Variants in ETNK2 observed in about 807,000 individuals in gnomAD.
ETNK2 encodes ethanolamine kinase 2.
ETNK2 carries 33 observed loss-of-function variants against 46.2 expected under a neutral mutation model. That is an observed-to-expected ratio of 0.71 (90% CI 0.54 to 0.96). ETNK2 has a LOEUF of 0.96. Ranked by LOEUF, ETNK2 falls within the 40% of genes least tolerant of loss-of-function variation. The pLI is 0.00. For synonymous variants in ETNK2, 194 were observed against 209.0 expected, an observed-to-expected ratio of 0.93 and a Z score of 0.62; for missense variants, 445 against 509.7, an observed-to-expected ratio of 0.87 and a Z score of 1.22.
chr1:204,147,328 G>T, intron 2 of ETNK2: 1 of 441,298 alleles, frequency 2.3e-6, no homozygotes. Flanking sequence ...GCTGGCGGCT[G>T]GGTGCCAAGG....
At chr1:204,132,515 C>T (rs972290347) in intron 7 of ETNK2, among the ~76,000 whole-genome samples, 3 of 152,130 alleles carry the variant, frequency 2.0e-5, no homozygotes, top group African/African-American at 7.2e-5. Flanking sequence ...CTCACTGCAA[C>T]CTCTGCCTCC....
Position 204,137,157 on chromosome 1 carries a change from C to A in ETNK2, c.961G>T (p.Val321Leu), listed in dbSNP as rs1032199748. 2 of 1,613,852 alleles carry A rather than the reference C, an allele frequency of 1.2e-6. No homozygotes were observed. The highest frequency in any genetic ancestry group is 2.7e-5 in the African/African-American group (2 of 74,932). Reference protein sequence around the residue: ...YYLQAQKGMAVTPREVQRLYV... With the variant: ...YYLQAQKGMALTPREVQRLYV... ...AGCCTTTGCACCTCCCTGGGGGTCA[C>A]GGCCATCCCCTTTTGTGCCTGCAGG... Residue 321 changes from valine to leucine, a missense_variant, in exon 6 of 8, where the codon GTG becomes TTG. Val to Leu is a conservative substitution (Grantham distance 32). Transcript: ENST00000367202.
intron 6 of ETNK2, 43 bp from the exon 7 acceptor site, chr1:204,134,631 G>A: frequency 6.2e-7 from 1 of 1,614,046 alleles, no homozygotes. Flanking sequence ...ATCTCCCCAT[G>A]CCTGTTTCCG....
At chr1:204,141,828 T>A (rs1657555907) in intron 3 of ETNK2, 1 of 204,106 alleles carries the variant, frequency 4.9e-6, no homozygotes, top group Non-Finnish European at 1.0e-5. Flanking sequence ...GATTCCAGAC[T>A]AAGAACAAGG....
intron 3 of ETNK2, chr1:204,141,966 T>G (rs1657564410): frequency 6.3e-6 from 1 of 158,864 alleles, no homozygotes; most frequent in Admixed American, 5.9e-5. Context: ...GGAGGAAGAG[T>G]AGTGCCCTGG....
At position 204,140,153 on chromosome 1, in the gene ETNK2, C is replaced by A. The variant is rs1334292601; in HGVS notation, c.785-35G>T. 6.3e-6 allele frequency: 10 copies of A among 1,579,820 alleles called. No individual in the cohort carries two copies. The East Asian group carries it at 2.2e-4, about 35-fold the overall frequency. On this transcript the variant is annotated intron_variant, in intron 4 of 7. Transcript: ENST00000367202. ...AGAGGAGAATCGATGAGAGTTGGCC[C>A]AGGAGATCTGGCAACAGAGCCTGGT...
intron 3 of ETNK2, among the ~76,000 whole-genome samples, chr1:204,143,494 C>A (rs530940373): frequency 6.6e-6 from 1 of 152,122 alleles, no homozygotes; most frequent in Non-Finnish European, 1.5e-5. Flanking sequence ...AGCTTTGCTA[C>A]CTTCAGTCCC....
chr1:204,142,230 A>G (rs1210844364), intron 3 of ETNK2: 1 of 152,212 alleles, frequency 6.6e-6, no homozygotes, highest in Non-Finnish European at 1.5e-5. Flanking sequence ...GTGGCTCCCC[A>G]TTGACTCATC....
chr1:204,151,423 A>G lies in ETNK2; in HGVS notation c.258+172T>C. The G allele has an allele frequency of 1.0e-6, 1 of 964,574 alleles. No individual in the cohort carries two copies. The highest frequency in any genetic ancestry group is 1.5e-6 in the Non-Finnish European group (1 of 667,714). 59.8% of individuals were successfully genotyped at this position (964,574 alleles called of 1,614,324 possible). A position where few individuals can be genotyped will look rare whatever the true frequency, so the allele number is the denominator to read the frequency against. ...GCAGGGCCAAGGGAGGTGTGAGCCT[A>G]GTTTTGGTAGCGACGAAATCAATCC... On this transcript the variant is annotated intron_variant, in intron 1 of 7. Transcript: ENST00000367202. This position sits in a 1 kb window ranked among gnomAD's most constrained non-coding sequence, Gnocchi z 8.0.
intron 5 of ETNK2, 21 bp downstream of exon 5, chr1:204,140,014 C>CT: frequency 6.2e-7 from 1 of 1,606,908 alleles, no homozygotes; most frequent in Non-Finnish European, 8.5e-7. Context: ...AAGCACATGA[C>CT]TGTAGAAATG....
At chr1:204,133,592 C>T (rs889005173) in intron 7 of ETNK2, among the ~76,000 whole-genome samples, 14 of 149,522 alleles carry the variant, frequency 9.4e-5, no homozygotes, top group African/African-American at 1.5e-4. Context: ...AGTGCAGTGG[C>T]GGGATCTCGG....
chr1:204,137,379 G>A, intron 5 of ETNK2, 130 bp from the exon 6 acceptor site: 2 of 1,227,576 alleles, frequency 1.6e-6, no homozygotes, highest in Non-Finnish European at 2.2e-6. Flanking sequence ...TGCCCAAGGA[G>A]GCGGCCCGAG....
chr1:204,133,668 A>G (rs1657165418), intron 7 of ETNK2, among the ~76,000 whole-genome samples: 1 of 151,754 alleles, frequency 6.6e-6, no homozygotes, highest in Non-Finnish European at 1.5e-5. Flanking sequence ...AGTAGCTGGG[A>G]CTACAGGCGC....
At chr1:204,149,160 T>C (rs1170173012) in intron 2 of ETNK2, among the ~76,000 whole-genome samples, 1 of 152,192 alleles carries the variant, frequency 6.6e-6, no homozygotes, top group Non-Finnish European at 1.5e-5. Flanking sequence ...CAGGTTCTTG[T>C]GAGCCTTTGA....
At chr1:204,150,091 A>G in intron 1 of ETNK2, 129 bp from the exon 2 acceptor site, 1 of 1,030,182 alleles carries the variant, frequency 9.7e-7, no homozygotes, top group Non-Finnish European at 1.4e-6. Context: ...CCAAGCCCCC[A>G]GTGCTTTAGC....
intron 2 of ETNK2, among the ~76,000 whole-genome samples, chr1:204,147,842 C>A (rs1420620589): frequency 6.6e-6 from 1 of 152,188 alleles, no homozygotes; most frequent in Non-Finnish European, 1.5e-5. Flanking sequence ...GCAGCAACCT[C>A]CTGGGTGAGA....
chr1:204,146,806 C>T (rs2293337), intron 2 of ETNK2, 42 bp from the exon 3 acceptor site: 485,296 of 1,610,302 alleles, frequency 0.3, 75,101 homozygotes, highest in Non-Finnish European at 0.32. Context: ...AGTGCTGGGA[C>T]ATTGCCTTCC....
chr1:204,141,126 C>T (rs1657508975), intron 4 of ETNK2, 189 bp downstream of exon 4: 1 of 773,532 alleles, frequency 1.3e-6, no homozygotes, highest in Non-Finnish European at 2.3e-6. Flanking sequence ...GAGACTGGCC[C>T]TTGGCACAGA....
At chr1:204,149,631 C>G in intron 2 of ETNK2, 72 bp downstream of exon 2, 2 of 1,492,426 alleles carry the variant, frequency 1.3e-6, no homozygotes, top group Non-Finnish European at 1.8e-6. Flanking sequence ...CACCATGGAC[C>G]CCACATGCCA....
Sources: gnomAD v4.1 joint callset for allele counts (sites outside exome capture counted in the v4.1 genomes callset) on GRCh38, gnomAD v4.1.1 for gene constraint, Gnocchi (gnomAD v3.1) non-coding constraint, MANE v1.5 for transcripts, NCBI Gene and HGNC (gene_info 2026-07-23, HGNC 2026-07-21) for gene names.